BMERB1: variants seen among roughly 807,000 people sequenced by gnomAD.
BMERB1 encodes the protein bMERB domain-containing protein 1.
Under a neutral mutation model 23.6 loss-of-function variants are expected in BMERB1, and 12 were observed. The ratio of observed to expected loss-of-function variants is 0.51; its 90% CI spans 0.33 to 0.82. The LOEUF (loss-of-function observed/expected upper bound fraction) is 0.82, where lower values mean the gene tolerates loss of function less well. Among genes scored for constraint, BMERB1 ranks in the 40% least tolerant of loss-of-function variants. BMERB1 has a pLI of 0.03. For synonymous variants in BMERB1, 122 were observed against 96.6 expected (o/e 1.26, Z -1.54); for missense variants, 247 against 255.4 (o/e 0.97, Z 0.22).
chr16:15,570,066 A>G (rs1356781176), intron 3 of BMERB1, among the ~76,000 whole-genome samples: 1 of 152,144 alleles, frequency 6.6e-6, no homozygotes, highest in Non-Finnish European at 1.5e-5. Flanking sequence ...GATCCCTTTC[A>G]CTGTCCTAAT....
intron 2 of BMERB1, among the ~76,000 whole-genome samples, chr16:15,526,690 A>G (rs1193385418): frequency 1.3e-5 from 2 of 150,470 alleles, no homozygotes; most frequent in African/African-American, 4.9e-5. Context: ...AAAAACTAAA[A>G]AATATAATTG....
chr16:15,487,031 GT>G (rs1302748431), intron 1 of BMERB1, among the ~76,000 whole-genome samples: 1 of 152,094 alleles, frequency 6.6e-6, no homozygotes, highest in East Asian at 1.9e-4. Flanking sequence ...ATGACAGATT[GT>G]TTTTCAGATT....
chr16:15,578,410 A>G (rs1369456651), intron 3 of BMERB1, among the ~76,000 whole-genome samples: 1 of 152,090 alleles, frequency 6.6e-6, no homozygotes, highest in Non-Finnish European at 1.5e-5. Context: ...TTTAGGGTCC[A>G]TGCTAATAAG....
At chr16:15,444,140 T>TTTTTTTTTTTTTTTTTTTTTC (rs2050969460) in intron 1 of BMERB1, among the ~76,000 whole-genome samples, 1 of 129,040 alleles carries the variant, frequency 7.7e-6, no homozygotes, top group Non-Finnish European at 1.7e-5. Context: ...TTTTTTTTTT[T>TTTTTTTTTTTTTTTTTTTTTC]TTTTTTTTTT....
intron 1 of BMERB1, among the ~76,000 whole-genome samples, chr16:15,467,976 A>G (rs1342355230): frequency 2.0e-5 from 3 of 152,156 alleles, no homozygotes; most frequent in Non-Finnish European, 4.4e-5. Flanking sequence ...CTGAGAATCA[A>G]TAGAAAGGAA....
At chr16:15,569,535 A>G (rs1327942814) in intron 3 of BMERB1, among the ~76,000 whole-genome samples, 2 of 152,184 alleles carry the variant, frequency 1.3e-5, no homozygotes, top group African/African-American at 4.8e-5. Context: ...ACCTCTCATC[A>G]GGCCACGCCT....
intron 2 of BMERB1, among the ~76,000 whole-genome samples, chr16:15,551,787 G>A (rs147723050): frequency 1.3e-5 from 2 of 152,290 alleles, no homozygotes; most frequent in Non-Finnish European, 2.9e-5. Context: ...CATGGCAGAC[G>A]GCGAAGGGAA....
intron 1 of BMERB1, among the ~76,000 whole-genome samples, chr16:15,437,729 C>T (rs528536916): frequency 1.2e-4 from 19 of 152,170 alleles, no homozygotes; most frequent in Non-Finnish European, 1.8e-4. Flanking sequence ...GAGGCCGAGG[C>T]GGGCGGATCA....
At chr16:15,473,651 G>T (rs534685137) in intron 1 of BMERB1, among the ~76,000 whole-genome samples, 1 of 151,948 alleles carries the variant, frequency 6.6e-6, no homozygotes, top group Non-Finnish European at 1.5e-5. Flanking sequence ...GTGTTTTCTC[G>T]CCTGAGAATG....
At chr16:15,502,390 TGGG>T (rs767007607) in intron 1 of BMERB1, 119 of 1,545,326 alleles carry the variant, frequency 7.7e-5, no homozygotes, top group Admixed American at 2.0e-5. Context: ...TGATCGCTCT[TGGG>T]GGCCCAGTGG....
chr16:15,495,229 G>A (rs566950776), intron 1 of BMERB1, among the ~76,000 whole-genome samples: 3 of 149,894 alleles, frequency 2.0e-5, no homozygotes, highest in South Asian at 2.1e-4. Flanking sequence ...TGTTTGAGAC[G>A]GAGTTTCGCT....
intron 1 of BMERB1, among the ~76,000 whole-genome samples, chr16:15,447,677 G>T (rs1215812388): frequency 6.6e-6 from 1 of 152,184 alleles, no homozygotes; most frequent in African/African-American, 2.4e-5. Flanking sequence ...GGAAGAGAGA[G>T]AAGTTAAATT....
At chr16:15,582,702 A>G (rs2031045666) in intron 4 of BMERB1, among the ~76,000 whole-genome samples, 1 of 152,082 alleles carries the variant, frequency 6.6e-6, no homozygotes, top group East Asian at 1.9e-4. Context: ...TGGGTGGCAA[A>G]GAAAGACCGT....
chr16:15,496,504 T>C (rs970387342), intron 1 of BMERB1, among the ~76,000 whole-genome samples: 7 of 152,110 alleles, frequency 4.6e-5, no homozygotes, highest in African/African-American at 1.4e-4. Context: ...TGAACAAATA[T>C]TACAAGCTAA....
intron 1 of BMERB1, among the ~76,000 whole-genome samples, chr16:15,465,926 ATTT>A (rs1188318493): frequency 6.6e-6 from 1 of 152,258 alleles, no homozygotes; most frequent in Non-Finnish European, 1.5e-5. Context: ...AATTCTTTTA[ATTT>A]TTTAACTGCT....
intron 1 of BMERB1, among the ~76,000 whole-genome samples, chr16:15,464,052 C>A (rs1349557578): frequency 6.6e-6 from 1 of 152,044 alleles, no homozygotes; most frequent in African/African-American, 2.4e-5. Context: ...GTGGCTCATG[C>A]CTGTAATCTC....
chr16:15,587,026 C>T lies in BMERB1; in HGVS notation c.*197C>T, dbSNP rs759834476. ...AGTGTAGCAGTAGGGAGTCTCTCAC[C>T]GTCGCATGGTCCTCCCCAGAGCATG... On this transcript the variant is annotated 3_prime_UTR_variant, in exon 6 of 6. Transcript: ENST00000300006. 93 of 560,936 alleles carry T rather than the reference C, an allele frequency of 1.7e-4. 1 individual carries two copies. Among genetic ancestry groups the T allele is most frequent in the Admixed American group, 6.0e-4 (18 of 29,898 alleles). The allele number at this position is 560,936 out of a possible 1,614,324, so 34.7% of individuals were successfully genotyped here.
chr16:15,526,946 T>C (rs1230946053), intron 2 of BMERB1, among the ~76,000 whole-genome samples: 1 of 147,962 alleles, frequency 6.8e-6, no homozygotes, highest in African/African-American at 2.5e-5. Flanking sequence ...TAATAAAATA[T>C]AATAAATCAT....
chr16:15,584,912 C>T (rs2031104609), intron 5 of BMERB1, among the ~76,000 whole-genome samples: 1 of 152,196 alleles, frequency 6.6e-6, no homozygotes, highest in African/African-American at 2.4e-5. Flanking sequence ...CCATTACCAT[C>T]ACCAAGAGGC....
Sources: gnomAD v4.1 joint callset for allele counts (sites outside exome capture counted in the v4.1 genomes callset) on GRCh38, gnomAD v4.1.1 for gene constraint, MANE v1.5 for transcripts, NCBI Gene and HGNC (gene_info 2026-07-23, HGNC 2026-07-21) for gene names.